The following TAFA2 variants were observed in gnomAD, a reference collection of about 807,000 sequenced individuals.
TAFA2 encodes the protein TAFA chemokine like family member 2.
A neutral mutation model predicts 18.8 loss-of-function variants in TAFA2; 7 were observed. The observed-to-expected ratio is 0.37, with a 90% CI of 0.21 to 0.70. TAFA2 has a LOEUF of 0.70. Among genes scored for constraint, TAFA2 ranks in the 30% least tolerant of loss-of-function variants. The pLI is 0.53. For missense variants in TAFA2, 122 were observed against 158.1 expected, an observed-to-expected ratio of 0.77 and a Z score of 1.23; for synonymous variants, 60 against 54.2, an observed-to-expected ratio of 1.11 and a Z score of -0.47.
At chr12:61,915,563 C>T (rs1876788507) in intron 1 of TAFA2, among the ~76,000 whole-genome samples, 2 of 152,176 alleles carry the variant, frequency 1.3e-5, no homozygotes. Context: ...AATATGTCAT[C>T]TGAAAGCTGA....
At chr12:61,790,594 A>G (rs1870933643) in intron 2 of TAFA2, among the ~76,000 whole-genome samples, 1 of 151,868 alleles carries the variant, frequency 6.6e-6, no homozygotes. Context: ...GAAAAAAATG[A>G]AGAAAACAAT....
rs946079122 is a variant in TAFA2 at position 61,951,538 on chromosome 12, G to A, written c.-1-84112C>T. On this transcript the variant is annotated intron_variant, in intron 1 of 4. Transcript: ENST00000416284. ...GATGTAAGATGAAAATTAATGTCATGGTAAAGATGGGGAAAAGTCAGAACC... is the reference window on the plus strand; with the variant it reads ...GATGTAAGATGAAAATTAATGTCATAGTAAAGATGGGGAAAAGTCAGAACC... 7.9e-5 allele frequency among the ~76,000 whole-genome samples: 12 copies of A among 152,158 alleles called. No homozygotes were observed. The East Asian group carries it at 2.3e-3, about 29-fold the overall frequency.
intron 2 of TAFA2, among the ~76,000 whole-genome samples, chr12:61,795,648 C>G (rs1000536246): frequency 6.6e-6 from 1 of 151,384 alleles, no homozygotes; most frequent in Non-Finnish European, 1.5e-5. Flanking sequence ...ATGGGTGCAG[C>G]ACACCAACAT....
At chr12:62,061,618 A>G in intron 1 of TAFA2, among the ~76,000 whole-genome samples, 1 of 152,234 alleles carries the variant, frequency 6.6e-6, no homozygotes, top group East Asian at 1.9e-4. Context: ...TTTTTAGTAT[A>G]ATCTCCTAAT....
chr12:62,227,010 C>G (rs947084602), intron 1 of TAFA2, among the ~76,000 whole-genome samples: 2 of 152,160 alleles, frequency 1.3e-5, no homozygotes, highest in African/African-American at 4.8e-5. Context: ...ATGGGAACAC[C>G]CTGCTTAAAA....
intron 2 of TAFA2, among the ~76,000 whole-genome samples, chr12:61,807,939 AC>A (rs1871694352): frequency 6.6e-6 from 1 of 151,488 alleles, no homozygotes; most frequent in East Asian, 1.9e-4. Context: ...GGCAGAAGGG[AC>A]TTGCCTTGTC....
intron 1 of TAFA2, among the ~76,000 whole-genome samples, chr12:62,101,530 C>T (rs1188137799): frequency 1.3e-5 from 2 of 152,128 alleles, no homozygotes; most frequent in African/African-American, 4.8e-5. Flanking sequence ...GAAAGGTAAA[C>T]ACTGTAGAGT....
intron 1 of TAFA2, among the ~76,000 whole-genome samples, chr12:62,007,168 T>A (rs1264749409): frequency 6.6e-6 from 1 of 152,116 alleles, no homozygotes; most frequent in African/African-American, 2.4e-5. Context: ...GCTGAGCATG[T>A]CATCTCCCAG....
chr12:61,787,017 A>G (rs1016524428), intron 2 of TAFA2, among the ~76,000 whole-genome samples: 3 of 151,636 alleles, frequency 2.0e-5, no homozygotes, highest in Admixed American at 2.0e-4. Context: ...ACTTAACCGC[A>G]TAAGTAATCA....
At chr12:61,831,685 G>GTTTTAAT (rs1302260490) in intron 2 of TAFA2, among the ~76,000 whole-genome samples, 1 of 152,048 alleles carries the variant, frequency 6.6e-6, no homozygotes, top group East Asian at 1.9e-4. Flanking sequence ...TCTTTAGCTT[G>GTTTTAAT]TTTTAATTTT....
Position 61,782,166 on chromosome 12 carries a change from T to G in TAFA2, c.107-27142A>C, listed in dbSNP as rs1028914642. 2.6e-5 allele frequency among the ~76,000 whole-genome samples: 4 copies of G among 151,666 alleles called. No individual in the cohort carries two copies. The East Asian group carries it at 7.8e-4, about 29-fold the overall frequency. On this transcript the variant is annotated intron_variant, in intron 2 of 4. Coordinates refer to ENST00000416284, the MANE Select transcript of TAFA2 (RefSeq NM_178539.5). ...ATCTAAATGGGCCCCTCCTCACAGCTGAGCATTCCAAAGTTAACCTCAAAA... is the reference window on the plus strand; with the variant it reads ...ATCTAAATGGGCCCCTCCTCACAGCGGAGCATTCCAAAGTTAACCTCAAAA...
chr12:61,830,769 T>C (rs1565648991), intron 2 of TAFA2, among the ~76,000 whole-genome samples: 1 of 152,210 alleles, frequency 6.6e-6, no homozygotes, highest in East Asian at 1.9e-4. Context: ...TGAAATTTAA[T>C]ATTAACTAAA....
intron 1 of TAFA2, among the ~76,000 whole-genome samples, chr12:61,966,884 G>A (rs962885291): frequency 6.6e-6 from 1 of 151,808 alleles, no homozygotes; most frequent in Admixed American, 6.6e-5. Flanking sequence ...ATGAATGATT[G>A]TGAAATTCCT....
At chr12:61,777,744 A>G (rs1193506792) in intron 2 of TAFA2, among the ~76,000 whole-genome samples, 1 of 151,870 alleles carries the variant, frequency 6.6e-6, no homozygotes, top group African/African-American at 2.4e-5. Flanking sequence ...AGAGAAAAAT[A>G]TCTCATAACC....
chr12:61,823,528 C>T (rs75088313), intron 2 of TAFA2, among the ~76,000 whole-genome samples: 2,841 of 152,182 alleles, frequency 0.019, 85 homozygotes, highest in African/African-American at 0.065. Context: ...CAAGTTACTC[C>T]GTCTCGGCAT....
At chr12:61,887,845 T>C (rs1196168825) in intron 1 of TAFA2, among the ~76,000 whole-genome samples, 1 of 151,770 alleles carries the variant, frequency 6.6e-6, no homozygotes, top group African/African-American at 2.4e-5. Flanking sequence ...TGTTGGACAT[T>C]TGGGTTGGTT....
chr12:61,947,286 A>C (rs1159125816), intron 1 of TAFA2, among the ~76,000 whole-genome samples: 1 of 139,824 alleles, frequency 7.2e-6, no homozygotes, highest in Non-Finnish European at 1.5e-5. Flanking sequence ...GAAGGGGAAT[A>C]TCACACTCTG....
intron 1 of TAFA2, among the ~76,000 whole-genome samples, chr12:62,059,139 ATGTGTGTGTG>A (rs374882700): frequency 1.5e-5 from 2 of 136,246 alleles, no homozygotes; most frequent in African/African-American, 2.8e-5. Flanking sequence ...ATGTGTGTAT[ATGTGTGTGTG>A]TGTGTGTGTG....
intron 1 of TAFA2, among the ~76,000 whole-genome samples, chr12:61,977,286 T>C (rs1042343314): frequency 6.6e-6 from 1 of 152,046 alleles, no homozygotes. Context: ...ATAAAATACA[T>C]CATCTCCAAA....
Sources: allele counts gnomAD v4.1 joint callset (sites outside exome capture counted in the v4.1 genomes callset), GRCh38; gene constraint gnomAD v4.1.1; transcripts MANE v1.5; gene names NCBI Gene and HGNC (gene_info 2026-07-23, HGNC 2026-07-21).